Variants in USP34 observed in about 807,000 individuals in gnomAD.
USP34 encodes the protein ubiquitin specific peptidase 34, also known as ubiquitin carboxyl-terminal hydrolase 34.
USP34 carries 70 observed loss-of-function variants against 460.3 expected under a neutral mutation model. The ratio of observed to expected loss-of-function variants is 0.15; its 90% CI spans 0.13 to 0.19. The LOEUF is 0.19. Among genes scored for constraint, USP34 ranks in the 10% least tolerant of loss-of-function variants. The pLI is 1.00. For synonymous variants in USP34, 1,647 were observed against 1,405.3 expected (o/e 1.17, Z -3.85); for missense variants, 3,985 against 4,236.2 (o/e 0.94, Z 1.65).
chr2:61,413,608 C>T (rs1043539988), intron 2 of USP34, among the ~76,000 whole-genome samples: 16 of 146,638 alleles, frequency 1.1e-4, no homozygotes, highest in Non-Finnish European at 2.4e-4. Flanking sequence ...TGCAGTGAGC[C>T]ACGATCACGC....
chr2:61,262,243 G>A (rs1450846185), intron 43 of USP34, among the ~76,000 whole-genome samples: 4 of 149,074 alleles, frequency 2.7e-5, no homozygotes. Flanking sequence ...GGTTATATAG[G>A]TAAACCGTGT....
At chr2:61,365,647 G>A (rs1451593413) in intron 10 of USP34, among the ~76,000 whole-genome samples, 1 of 152,138 alleles carries the variant, frequency 6.6e-6, no homozygotes, top group African/African-American at 2.4e-5. Context: ...AACAGGAGTT[G>A]AGGAAAAAGG....
chr2:61,442,802 A>T (rs938299640), intron 1 of USP34, among the ~76,000 whole-genome samples: 1 of 152,084 alleles, frequency 6.6e-6, no homozygotes, highest in Non-Finnish European at 1.5e-5. Flanking sequence ...AGACGTCTGC[A>T]TTCCCACGAT....
At chr2:61,411,264 C>G (rs1472915589) in intron 2 of USP34, among the ~76,000 whole-genome samples, 3 of 151,850 alleles carry the variant, frequency 2.0e-5, no homozygotes, top group African/African-American at 7.3e-5. Context: ...CGCCCGTAAT[C>G]CCAGCTACAC....
chr2:61,218,710 T>C (rs747671082), intron 67 of USP34, among the ~76,000 whole-genome samples: 6 of 152,094 alleles, frequency 3.9e-5, no homozygotes, highest in Non-Finnish European at 8.8e-5. Context: ...GGAATACTGG[T>C]CGGGTATTTC....
At chr2:61,203,826 G>T (rs931655524) in intron 74 of USP34, among the ~76,000 whole-genome samples, 15 of 151,180 alleles carry the variant, frequency 9.9e-5, no homozygotes, top group Non-Finnish European at 1.2e-4. Context: ...TAGAAGAAAG[G>T]AACCAGACTA....
At chr2:61,255,123 T>A (rs1028495199) in intron 48 of USP34, among the ~76,000 whole-genome samples, 1 of 152,328 alleles carries the variant, frequency 6.6e-6, no homozygotes, top group East Asian at 1.9e-4. Flanking sequence ...ACCCACTGTA[T>A]GTGTAAGGCA....
chr2:61,230,449 G>A lies in USP34; in HGVS notation c.7114-816C>T, dbSNP rs977201762. On this transcript the variant is annotated intron_variant, in intron 58 of 79. Transcript: ENST00000398571. ...GAGGCAGGGAGAACTGTGTGAAGCC[G>A]GGAGGTGGCGGTTGCAGTGAGACGT... Among the ~76,000 whole-genome samples the A allele has an allele frequency of 7.2e-5, 11 of 152,256 alleles. No individual in the cohort carries two copies. In the South Asian group the frequency reaches 1.7e-3, roughly 23 times the overall value.
rs1691964206 is a variant in USP34, at chr2:61,352,305, CAT to C, written c.1252-1614_1252-1613del. Among the ~76,000 whole-genome samples, 5 of 151,972 alleles carry C rather than the reference CAT, an allele frequency of 3.3e-5. No homozygotes were observed. In the South Asian group the frequency reaches 1.0e-3, roughly 32 times the overall value. ...AAAATATGATAAAAACACATATATA[CAT>C]GTTTATATATATAGTATATGTATAT... On this transcript the variant is annotated intron_variant, in intron 10 of 79. Coordinates refer to ENST00000398571, the MANE Select transcript of USP34 (RefSeq NM_014709.4).
At position 61,314,627 on chromosome 2, in the gene USP34, C is replaced by A; in HGVS notation, c.3500G>T (p.Gly1167Val). 1 of 1,583,780 alleles carries A rather than the reference C, an allele frequency of 6.3e-7. No homozygotes were observed. Among genetic ancestry groups the A allele is most frequent in the South Asian group, 1.2e-5 (1 of 84,876 alleles). Residue 1167 changes from glycine to valine, a missense_variant, in exon 25 of 80, where the codon GGA (glycine) becomes GTA (valine). Gly to Val is a moderately radical substitution (Grantham distance 109). Around this residue, in one of 14 missense-constraint regions of USP34, gnomAD observed 1,114 missense variants for 1,122.5 expected, o/e 0.99. Transcript: ENST00000398571. The part of the protein sequence containing the change: ...SHSSLMVIER[G>V]LLMLKTHLEA... ...CAGATGTGTCTTCAGCATAAGGAGT[C>A]CTCTTTCTATAACCATGAGACTTGA...
At chr2:61,349,115 T>C (rs1691861923) in intron 13 of USP34, 135 bp downstream of exon 13, 3 of 1,135,870 alleles carry the variant, frequency 2.6e-6, no homozygotes, top group Admixed American at 5.4e-5. Flanking sequence ...AACACGAATA[T>C]GTTAAAGGTT....
intron 2 of USP34, among the ~76,000 whole-genome samples, chr2:61,416,618 G>A (rs897266196): frequency 5.3e-5 from 8 of 152,054 alleles, no homozygotes; most frequent in East Asian, 1.9e-4. Context: ...CTGTGGTATC[G>A]GTGCTTGTCA....
intron 29 of USP34, 97 bp downstream of exon 29, chr2:61,300,854 T>C: frequency 2.6e-6 from 2 of 774,622 alleles, no homozygotes; most frequent in Non-Finnish European, 3.8e-6. Flanking sequence ...AATTATTATA[T>C]ACTTTATAAC....
Position 61,262,688 on chromosome 2 carries a change from T to C in USP34, c.5778+2709A>G, listed in dbSNP as rs562944362. On this transcript the variant is annotated intron_variant, in intron 43 of 79. Transcript: ENST00000398571. ...TCATGGTAGGATGATTTATATTCCT[T>C]TGGGTATATACCCAATGGAATAGCT... 7.9e-5 allele frequency among the ~76,000 whole-genome samples: 12 copies of C among 152,186 alleles called. No homozygotes were observed. The South Asian group carries it at 1.0e-3, about 13-fold the overall frequency.
rs905527523 is a variant in USP34, at chr2:61,291,359, T to C, written c.4548+2105A>G. The stretch of plus-strand genomic sequence containing the variant: ...ACATTGCTGGTAGAAATGTAAAATG[T>C]TGCAGCTTTGGTAAACTGTTTGGAA... On this transcript the variant is annotated intron_variant, in intron 33 of 79. Coordinates refer to ENST00000398571, the MANE Select transcript of USP34 (RefSeq NM_014709.4). Among the ~76,000 whole-genome samples the C allele has an allele frequency of 5.3e-5, 8 of 152,150 alleles. No individual in the cohort carries two copies. The East Asian group carries it at 7.7e-4, about 15-fold the overall frequency.
At position 61,190,395 on chromosome 2, in the gene USP34, G is replaced by C; in HGVS notation, c.9749C>G (p.Ser3250Cys). Residue 3250 changes from serine (S) to cysteine (C), a missense_variant, in exon 78 of 80, where the codon TCT (serine) becomes TGT (cysteine). Physicochemically the swap from Ser to Cys is moderately radical, Grantham distance 112. Transcript: ENST00000398571. The stretch of plus-strand genomic sequence containing the variant: ...GATCAAATTGGCACAGTTTGCTTCA[G>C]AAAACACTTGACTTTGAACCTGAAA... ...FLLKVQSQVF[S>C]EANCANLIST... 6.2e-7 allele frequency: 1 copy of C among 1,608,126 alleles called. No homozygotes were observed. The highest frequency in any genetic ancestry group is 8.5e-7 in the Non-Finnish European group (1 of 1,178,350).
Position 61,301,138 on chromosome 2 carries a change from G to A in USP34, c.3941C>T (p.Ala1314Val), listed in dbSNP as rs374924431. 5.0e-6 allele frequency: 8 copies of A among 1,608,550 alleles called. No individual in the cohort carries two copies. Among genetic ancestry groups the A allele is most frequent in the Non-Finnish European group, 6.8e-6 (8 of 1,178,518 alleles). ...TTCCCCTTTCCGCTCTCTCCTTGGT[G>A]CACCCAAAGATACAAATACCATCTA... ...DMQMVFVSLGAPRRERKGEGV... is the reference protein window; with the variant it reads ...DMQMVFVSLGVPRRERKGEGV... Residue 1314 changes from alanine (A) to valine (V), a missense_variant, in exon 29 of 80, where the codon GCA becomes GTA. By Grantham distance (64) the Ala-to-Val change is moderately conservative (BLOSUM62 0). Around this residue, in one of 14 missense-constraint regions of USP34, gnomAD observed 1,114 missense variants for 1,122.5 expected, o/e 0.99. Transcript: ENST00000398571.
intron 75 of USP34, among the ~76,000 whole-genome samples, chr2:61,194,960 A>G (rs1014448840): frequency 1.6e-4 from 24 of 151,906 alleles, no homozygotes; most frequent in Non-Finnish European, 2.1e-4. Flanking sequence ...TCAAAAAAAA[A>G]AAAAAAAAAA....
intron 8 of USP34, among the ~76,000 whole-genome samples, chr2:61,372,997 A>G (rs894942847): frequency 6.6e-6 from 1 of 152,204 alleles, no homozygotes; most frequent in Non-Finnish European, 1.5e-5. Context: ...GAGAAAAACA[A>G]CTAAGCATAC....
Sources: allele counts gnomAD v4.1 joint callset (sites outside exome capture counted in the v4.1 genomes callset), GRCh38; gene constraint gnomAD v4.1.1; regional missense constraint gnomAD v4.1.1; transcripts MANE v1.5; gene names NCBI Gene and HGNC (gene_info 2026-07-23, HGNC 2026-07-21).